Variants in PLPP7 observed in about 807,000 individuals in gnomAD.
PLPP7 encodes phospholipid phosphatase 7 (inactive), also known as inactive phospholipid phosphatase 7.
Under a neutral mutation model 16.9 loss-of-function variants are expected in PLPP7, and 11 were observed. The ratio of observed to expected loss-of-function variants is 0.65; its 90% confidence interval spans 0.41 to 1.08. PLPP7 has a LOEUF of 1.08. Among genes scored for constraint, PLPP7 ranks in the 50% least tolerant of loss-of-function variants. PLPP7 has a pLI of 0.00. For synonymous variants in PLPP7, 174 were observed against 175.1 expected (o/e 0.99, Z 0.05); for missense variants, 358 against 397.1 (o/e 0.90, Z 0.84).
chr9:131,308,208 T>C lies in PLPP7; in HGVS notation c.737T>C (p.Ile246Thr). 6.3e-7 allele frequency: 1 copy of C among 1,599,820 alleles called. No individual in the cohort carries two copies. Among genetic ancestry groups the C allele is most frequent in the African/African-American group, 1.3e-5 (1 of 75,036 alleles). Residue 246 changes from isoleucine to threonine, a missense_variant, in exon 2 of 2, where the codon ATC becomes ACC. Ile to Thr is a moderately conservative substitution (Grantham distance 89). Transcript: ENST00000372264. ...HVTDVLSGFV[I>T]GYLQFRLVEL... ...ACGGACGTCCTCTCCGGCTTTGTCA[T>C]CGGCTACCTCCAGTTCCGTCTGGTG...
intron 1 of PLPP7, among the ~76,000 whole-genome samples, chr9:131,293,406 G>A (rs1016948572): frequency 2.6e-5 from 4 of 152,206 alleles, no homozygotes; most frequent in African/African-American, 9.6e-5. Context: ...AGCAGGCCGG[G>A]TGGGTCTGGG....
intron 1 of PLPP7, among the ~76,000 whole-genome samples, chr9:131,305,676 G>T (rs1411683113): frequency 6.6e-6 from 1 of 152,062 alleles, no homozygotes; most frequent in Non-Finnish European, 1.5e-5. Flanking sequence ...GTATTTTTTT[G>T]TAGAGATGGG....
At chr9:131,292,322 C>T (rs180891030) in intron 1 of PLPP7, among the ~76,000 whole-genome samples, 121 of 152,306 alleles carry the variant, frequency 7.9e-4, no homozygotes, top group Non-Finnish European at 1.6e-3. Context: ...CCATCTCTTC[C>T]TTCCCACCTT....
At chr9:131,307,123 G>A (rs779580568) in intron 1 of PLPP7, among the ~76,000 whole-genome samples, 1 of 151,670 alleles carries the variant, frequency 6.6e-6, no homozygotes, top group Non-Finnish European at 1.5e-5. Flanking sequence ...GTGTGCACCT[G>A]TAATCCCAGC....
intron 1 of PLPP7, among the ~76,000 whole-genome samples, chr9:131,291,674 C>A (rs916792528): frequency 6.6e-6 from 1 of 151,848 alleles, no homozygotes; most frequent in Non-Finnish European, 1.5e-5. Context: ...CTCCGCCTCC[C>A]GGGTTCAAGC....
chr9:131,298,092 G>A (rs1176751479), intron 1 of PLPP7, among the ~76,000 whole-genome samples: 2 of 151,968 alleles, frequency 1.3e-5, no homozygotes, highest in African/African-American at 4.8e-5. Context: ...CACGTTTTTC[G>A]GTGTTATAAA....
chr9:131,290,548 A>C lies in PLPP7; in HGVS notation c.451+100A>C. 2 of 1,170,736 alleles carry C rather than the reference A, an allele frequency of 1.7e-6. No homozygotes were observed. The highest frequency in any genetic ancestry group is 2.3e-6 in the Non-Finnish European group (2 of 866,790). 72.5% of individuals were successfully genotyped at this position (1,170,736 alleles called of 1,614,324 possible). On this transcript the variant is annotated intron_variant, in intron 1 of 1. Coordinates refer to ENST00000372264, the MANE Select transcript of PLPP7 (RefSeq NM_032728.4). This position sits in a 1 kb window ranked among gnomAD's most constrained non-coding sequence, Gnocchi z 4.2. ...GCCGGGACCTGCACAGCCCTCAGAAACCGGCTGGGATGGTCTAATGAGGTT... is the reference window on the plus strand; with the variant it reads ...GCCGGGACCTGCACAGCCCTCAGAACCCGGCTGGGATGGTCTAATGAGGTT...
At chr9:131,291,486 G>A (rs1835677562) in intron 1 of PLPP7, 1 of 944,000 alleles carries the variant, frequency 1.1e-6, no homozygotes, top group Non-Finnish European at 1.3e-6. Context: ...GTGGGACTCG[G>A]GGAGGCAGAA....
intron 1 of PLPP7, chr9:131,291,266 C>A (rs1564245184): frequency 1.5e-6 from 2 of 1,299,302 alleles, no homozygotes; most frequent in African/African-American, 1.5e-5. Flanking sequence ...CCACGCCAGG[C>A]CCGCATCGAT....
rs1057350159 is a variant in PLPP7 at position 131,289,771 on chromosome 9, G to T, written c.-227G>T. 2 of 401,106 alleles carry T rather than the reference G, an allele frequency of 5.0e-6. No individual in the cohort carries two copies. The highest frequency in any genetic ancestry group is 8.7e-6 in the Non-Finnish European group (2 of 228,946). 24.8% of individuals were successfully genotyped at this position (401,106 alleles called of 1,614,324 possible). On this transcript the variant is annotated 5_prime_UTR_variant, in exon 1 of 2. Coordinates refer to ENST00000372264, the MANE Select transcript of PLPP7 (RefSeq NM_032728.4). Reference sequence around the variant, plus strand: ...CGGAGGCTCTGCTGGTGCAGGCCCCGCATTGGAGGGCTCGATTGGCTGCCC... The same window carrying T: ...CGGAGGCTCTGCTGGTGCAGGCCCCTCATTGGAGGGCTCGATTGGCTGCCC...
chr9:131,290,584 G>T lies in PLPP7; in HGVS notation c.451+136G>T. The T allele has an allele frequency of 3.6e-6, 3 of 825,366 alleles. No individual in the cohort carries two copies. The highest frequency in any genetic ancestry group is 5.2e-6 in the Non-Finnish European group (3 of 571,886). 51.1% of individuals were successfully genotyped at this position (825,366 alleles called of 1,614,324 possible). ...TGGTCTAATGAGGTTAGGCAGGAAG[G>T]GTGCCCCAGAAACAGGCAGGCTCCG... On this transcript the variant is annotated intron_variant, in intron 1 of 1. Coordinates refer to ENST00000372264, the MANE Select transcript of PLPP7 (RefSeq NM_032728.4). The surrounding 1 kb of genome is among the most constrained non-coding windows in gnomAD (Gnocchi z 4.2).
In PLPP7 at chr9:131,289,921, G is replaced by A; in HGVS notation, c.-77G>A. Reference sequence around the variant, plus strand: ...GGAGGCAGCCACGGTGGCGGCTCTGGGGGCAGCTCTTGTCTTCGGGGAGAA... The same window carrying A: ...GGAGGCAGCCACGGTGGCGGCTCTGAGGGCAGCTCTTGTCTTCGGGGAGAA... On this transcript the variant is annotated 5_prime_UTR_variant, in exon 1 of 2. Coordinates refer to ENST00000372264, the MANE Select transcript of PLPP7 (RefSeq NM_032728.4). 8.0e-7 allele frequency: 1 copy of A among 1,247,502 alleles called. No homozygotes were observed. Among genetic ancestry groups the A allele is most frequent in the Non-Finnish European group, 1.0e-6 (1 of 968,892 alleles). The allele number at this position is 1,247,502 out of a possible 1,614,324, so 77.3% of individuals were successfully genotyped here. A position where few individuals can be genotyped will look rare whatever the true frequency, so the allele number is the denominator to read the frequency against.
chr9:131,293,930 C>T (rs1346383582), intron 1 of PLPP7, among the ~76,000 whole-genome samples: 1 of 152,198 alleles, frequency 6.6e-6, no homozygotes, highest in Admixed American at 6.5e-5. Flanking sequence ...AGTCTCTGGG[C>T]TGGGAGCAAG....
intron 1 of PLPP7, among the ~76,000 whole-genome samples, chr9:131,300,168 CT>C (rs1835780450): frequency 6.6e-6 from 1 of 152,242 alleles, no homozygotes. Flanking sequence ...CTGTTGCCTT[CT>C]GCATCACGTG....
rs1835652779 is a variant in PLPP7 at position 131,290,246 on chromosome 9, C to T, written c.249C>T (p.Asn83=). 6.2e-7 allele frequency: 1 copy of T among 1,611,432 alleles called. No homozygotes were observed. Among genetic ancestry groups the T allele is most frequent in the Non-Finnish European group, 8.5e-7 (1 of 1,178,596 alleles). Residue 83 remains asparagine (N), a synonymous_variant, in exon 1 of 2, where the codon AAC becomes AAT. Transcript: ENST00000372264. This position sits in a 1 kb window ranked among gnomAD's most constrained non-coding sequence, Gnocchi z 4.2. The stretch of plus-strand genomic sequence containing the variant: ...CCTCCTTCAAGGGCATCGCCTTCAA[C>T]TCCCTGCTGGCCATCGATATCTGTA... ...LNPSFKGIAF[N]SLLAIDICMS... is the part of the protein sequence containing the mutation.
At chr9:131,298,446 G>A (rs1259370647) in intron 1 of PLPP7, among the ~76,000 whole-genome samples, 1 of 152,048 alleles carries the variant, frequency 6.6e-6, no homozygotes, top group African/African-American at 2.4e-5. Context: ...CAGAAGCCCC[G>A]TCCTTGTTCC....
rs146463557 is a variant in PLPP7 at position 131,306,857 on chromosome 9, G to C, written c.452-1066G>C. The stretch of plus-strand genomic sequence containing the variant: ...GTTTTGAAATTAGAGAGAGGAGGTG[G>C]CTGCTGACATTGTGATGTGCTGAAT... On this transcript the variant is annotated intron_variant, in intron 1 of 1. Coordinates refer to ENST00000372264, the MANE Select transcript of PLPP7 (RefSeq NM_032728.4). 7.3e-3 allele frequency among the ~76,000 whole-genome samples: 1,108 copies of C among 152,278 alleles called. 17 individuals carry two copies. Among genetic ancestry groups the C allele is most frequent in the African/African-American group, 0.025 (1,048 of 41,560 alleles).
rs2131223128 is a variant in PLPP7 at position 131,308,711 on chromosome 9, A to T, written c.*424A>T. On this transcript the variant is annotated 3_prime_UTR_variant, in exon 2 of 2. Transcript: ENST00000372264. ...CAAAATGCCCCCAACCTACTGCCTGATGCAGGTGCCATTGCCATTAGCGGT... is the reference window on the plus strand; with the variant it reads ...CAAAATGCCCCCAACCTACTGCCTGTTGCAGGTGCCATTGCCATTAGCGGT... The T allele has an allele frequency of 5.4e-6, 1 of 185,478 alleles. No homozygotes were observed. Among genetic ancestry groups the T allele is most frequent in the South Asian group, 1.2e-4 (1 of 8,024 alleles). The allele number at this position is 185,478 out of a possible 1,614,324, so 11.5% of individuals were successfully genotyped here.
intron 1 of PLPP7, among the ~76,000 whole-genome samples, chr9:131,302,111 G>A (rs923454696): frequency 3.9e-5 from 6 of 152,102 alleles, no homozygotes; most frequent in Non-Finnish European, 7.4e-5. Context: ...GAGCCACTGC[G>A]CCCGGCCAGA....
Sources: gnomAD v4.1 joint callset for allele counts (sites outside exome capture counted in the v4.1 genomes callset) on GRCh38, gnomAD v4.1.1 for gene constraint, Gnocchi (gnomAD v3.1) non-coding constraint, MANE v1.5 for transcripts, NCBI Gene and HGNC (gene_info 2026-07-23, HGNC 2026-07-21) for gene names.